Variants in NR6A1 observed in about 807,000 individuals in gnomAD.
NR6A1 encodes the protein retinoic acid receptor-related testis-associated receptor.
NR6A1 carries 7 observed loss-of-function variants against 59.1 expected under a neutral mutation model. The ratio of observed to expected loss-of-function variants is 0.12; its 90% CI spans 0.07 to 0.22. NR6A1 has a LOEUF of 0.22. Among genes scored for constraint, NR6A1 ranks in the 10% least tolerant of loss-of-function variants. NR6A1 has a pLI of 1.00. For missense variants in NR6A1, 468 were observed against 611.6 expected, an observed-to-expected ratio of 0.77 and a Z score of 2.48; for synonymous variants, 243 against 236.1, an observed-to-expected ratio of 1.03 and a Z score of -0.27.
chr9:124,674,948 C>CTGA (rs1321873070), intron 2 of NR6A1, among the ~76,000 whole-genome samples: 5 of 152,208 alleles, frequency 3.3e-5, no homozygotes, highest in Admixed American at 1.3e-4. Flanking sequence ...TTACAACAAA[C>CTGA]TGATAACCAA....
chr9:124,738,188 A>C (rs1448470779), intron 1 of NR6A1, among the ~76,000 whole-genome samples: 1 of 152,160 alleles, frequency 6.6e-6, no homozygotes, highest in Non-Finnish European at 1.5e-5. Context: ...TGGGAGGCGG[A>C]GGTTGCAGTG....
At chr9:124,649,108 T>C (rs552088766) in intron 2 of NR6A1, among the ~76,000 whole-genome samples, 3 of 151,660 alleles carry the variant, frequency 2.0e-5, no homozygotes, top group Non-Finnish European at 4.4e-5. Context: ...AAAATTCATA[T>C]GAAACCTCAA....
intron 2 of NR6A1, among the ~76,000 whole-genome samples, chr9:124,699,534 G>T (rs1361194861): frequency 6.6e-5 from 10 of 152,158 alleles, no homozygotes; most frequent in Admixed American, 3.9e-4. Context: ...AATAATCAGT[G>T]GGGCCCCATC....
chr9:124,582,470 G>A (rs1419647209), intron 2 of NR6A1, among the ~76,000 whole-genome samples: 1 of 152,030 alleles, frequency 6.6e-6, no homozygotes, highest in Admixed American at 6.6e-5. Context: ...ATGGATGCTA[G>A]GCTTAATACC....
At chr9:124,567,218 G>C (rs1834283814) in intron 2 of NR6A1, among the ~76,000 whole-genome samples, 1 of 152,150 alleles carries the variant, frequency 6.6e-6, no homozygotes, top group African/African-American at 2.4e-5. Flanking sequence ...TGAAGAATCT[G>C]GGAGTCCTCA....
chr9:124,517,596 G>A lies in NR6A1; in HGVS notation c.*5109C>T, dbSNP rs1449272723. 1 of 152,328 alleles carries A rather than the reference G, an allele frequency of 6.6e-6. No individual in the cohort carries two copies. Among genetic ancestry groups the A allele is most frequent in the Admixed American group, 6.5e-5 (1 of 15,280 alleles). The allele number at this position is 152,328 out of a possible 1,614,324, so 9.4% of individuals were successfully genotyped here. The stretch of plus-strand genomic sequence containing the variant: ...TGTGGGTGGAGGTGGACCTAGGGCA[G>A]GTAACCTGGGGGTAGGCTCGTGGAT... On this transcript the variant is annotated 3_prime_UTR_variant, in exon 10 of 10. Transcript: ENST00000487099.
rs766389526 is a variant in NR6A1 at position 124,526,879 on chromosome 9, C to T, written c.1101G>A (p.Glu367=). ...ELHRFSDEGM[E]VIERLIYLYH... ...AGAGGTAGATGAGCCGCTCGATCAC[C>T]TCCATCCCTTCATCACTAAATCTGA... Residue 367 remains glutamate (E), a synonymous_variant, in exon 8 of 10, where the codon GAG becomes GAA. Transcript: ENST00000487099. 1 of 1,613,924 alleles carries T rather than the reference C, an allele frequency of 6.2e-7. No homozygotes were observed. The highest frequency in any genetic ancestry group is 1.3e-5 in the African/African-American group (1 of 74,924).
At chr9:124,603,911 G>T (rs1835512061) in intron 2 of NR6A1, among the ~76,000 whole-genome samples, 1 of 152,154 alleles carries the variant, frequency 6.6e-6, no homozygotes, top group African/African-American at 2.4e-5. Flanking sequence ...TGAGGGATTG[G>T]CTGTAATAAA....
chr9:124,561,169 C>T (rs1019143434), intron 2 of NR6A1, among the ~76,000 whole-genome samples: 1 of 152,134 alleles, frequency 6.6e-6, no homozygotes, highest in Non-Finnish European at 1.5e-5. Flanking sequence ...GGCACAGTGG[C>T]TCATGCCTGT....
At chr9:124,669,211 A>G (rs1257267392) in intron 2 of NR6A1, among the ~76,000 whole-genome samples, 1 of 152,274 alleles carries the variant, frequency 6.6e-6, no homozygotes, top group East Asian at 1.9e-4. Flanking sequence ...AACACTGTTC[A>G]TAAATTAAGA....
chr9:124,742,110 T>C (rs145363317), intron 1 of NR6A1, among the ~76,000 whole-genome samples: 9 of 152,324 alleles, frequency 5.9e-5, no homozygotes, highest in African/African-American at 2.2e-4. Context: ...GACCTTCAAC[T>C]GTCATACATG....
chr9:124,601,829 C>A (rs561625007), intron 2 of NR6A1, among the ~76,000 whole-genome samples: 2 of 151,630 alleles, frequency 1.3e-5, no homozygotes, highest in African/African-American at 2.4e-5. Flanking sequence ...TGGTGGCACA[C>A]GCCTGAAGCC....
At chr9:124,567,831 C>CTTTTTT (rs534591761) in intron 2 of NR6A1, among the ~76,000 whole-genome samples, 2 of 101,340 alleles carry the variant, frequency 2.0e-5, no homozygotes, top group African/African-American at 3.5e-5. Flanking sequence ...TAAAAATTTG[C>CTTTTTT]TTTTTTTTTT....
intron 2 of NR6A1, among the ~76,000 whole-genome samples, chr9:124,658,239 C>T (rs1486845465): frequency 1.3e-5 from 2 of 152,168 alleles, no homozygotes; most frequent in Non-Finnish European, 2.9e-5. Context: ...GCCAGACACT[C>T]AAACTGCCAG....
intron 1 of NR6A1, among the ~76,000 whole-genome samples, chr9:124,767,330 A>C (rs752092923): frequency 6.6e-6 from 1 of 152,062 alleles, no homozygotes; most frequent in Non-Finnish European, 1.5e-5. Context: ...ATAGATTAGG[A>C]ATCATGTCAT....
chr9:124,706,590 C>T (rs1839139158), intron 2 of NR6A1, among the ~76,000 whole-genome samples: 1 of 152,150 alleles, frequency 6.6e-6, no homozygotes, highest in South Asian at 2.1e-4. Context: ...TGGCTCATTG[C>T]AACCTCCAAT....
intron 3 of NR6A1, among the ~76,000 whole-genome samples, chr9:124,550,960 TAC>T: frequency 6.6e-6 from 1 of 152,366 alleles, no homozygotes; most frequent in East Asian, 1.9e-4. Flanking sequence ...AAATTAATCC[TAC>T]AGTTATTGTT....
At chr9:124,626,887 G>C (rs1564207266) in intron 2 of NR6A1, among the ~76,000 whole-genome samples, 1 of 152,044 alleles carries the variant, frequency 6.6e-6, no homozygotes, top group East Asian at 1.9e-4. Flanking sequence ...TGAGCCAAGA[G>C]GGCACCACTG....
intron 2 of NR6A1, among the ~76,000 whole-genome samples, chr9:124,719,911 G>A (rs188874435): frequency 2.0e-5 from 3 of 152,012 alleles, no homozygotes; most frequent in South Asian, 2.1e-4. Flanking sequence ...ACAAAAGACC[G>A]TGTCCCCAAT....
Sources: allele counts gnomAD v4.1 joint callset (sites outside exome capture counted in the v4.1 genomes callset), GRCh38; gene constraint gnomAD v4.1.1; transcripts MANE v1.5; gene names NCBI Gene and HGNC (gene_info 2026-07-23, HGNC 2026-07-21).